CLIC5: variants seen among roughly 807,000 people sequenced by gnomAD.
The protein encoded by CLIC5 is CLIC family member 5.
A neutral mutation model predicts 24.7 loss-of-function variants in CLIC5; 20 were observed. The observed-to-expected ratio is 0.81, with a 90% CI of 0.57 to 1.18. The LOEUF (loss-of-function observed/expected upper bound fraction) is 1.18, where lower values mean the gene tolerates loss of function less well. CLIC5 is among the 50% of genes most tolerant of loss of function. The probability of loss-of-function intolerance (pLI) is 0.00; values close to 1 mark genes in which losing one functional copy is unlikely to be tolerated. For missense variants in CLIC5, 341 were observed against 326.1 expected, an observed-to-expected ratio of 1.05 and a Z score of -0.35; for synonymous variants, 159 against 135.6, an observed-to-expected ratio of 1.17 and a Z score of -1.20.
chr6:46,037,398 G>C (rs888147364), intron 1 of CLIC5, among the ~76,000 whole-genome samples: 5 of 152,114 alleles, frequency 3.3e-5, no homozygotes, highest in African/African-American at 9.7e-5. Flanking sequence ...ATTAATGGAA[G>C]AACAAAGGAA....
At chr6:45,987,939 C>T (rs141011616) in intron 1 of CLIC5, among the ~76,000 whole-genome samples, 9 of 152,306 alleles carry the variant, frequency 5.9e-5, no homozygotes, top group African/African-American at 2.2e-4. Flanking sequence ...CCCTGGCCCC[C>T]CAAAGTTCAT....
chr6:46,045,125 C>T (rs1256950720), intron 1 of CLIC5, among the ~76,000 whole-genome samples: 1 of 152,188 alleles, frequency 6.6e-6, no homozygotes, highest in Admixed American at 6.5e-5. Context: ...CCCTAAGACT[C>T]TGTGTCAAGT....
intron 1 of CLIC5, among the ~76,000 whole-genome samples, chr6:46,032,440 T>C (rs938450020): frequency 1.1e-4 from 17 of 152,228 alleles, no homozygotes; most frequent in African/African-American, 3.6e-4. Context: ...GGAGAACTTT[T>C]CAGCTTTTAC....
intron 2 of CLIC5, 64 bp downstream of exon 2, chr6:45,955,071 C>T: frequency 8.0e-7 from 1 of 1,257,246 alleles, no homozygotes. Flanking sequence ...CTTTTGCCCT[C>T]CTTCATGGAA....
chr6:46,106,552 T>C, the CLIC5 span, among the ~76,000 whole-genome samples: 3 of 152,194 alleles, frequency 2.0e-5, no homozygotes, highest in Admixed American at 2.0e-4. Context: ...AGTGGTCCAG[T>C]TGAAGAATGA....
intron 1 of CLIC5, among the ~76,000 whole-genome samples, chr6:46,007,445 C>T (rs1420542966): frequency 6.6e-6 from 1 of 152,172 alleles, no homozygotes. Flanking sequence ...CAGGCTTCTT[C>T]CAAGGCATGC....
At chr6:45,965,090 C>G (rs150041203) in intron 1 of CLIC5, among the ~76,000 whole-genome samples, 1 of 152,108 alleles carries the variant, frequency 6.6e-6, no homozygotes, top group Non-Finnish European at 1.5e-5. Context: ...CAGTACCTAG[C>G]GTTCAGGGTT....
At chr6:45,921,213 C>G (rs907255196) in intron 4 of CLIC5, among the ~76,000 whole-genome samples, 1 of 152,140 alleles carries the variant, frequency 6.6e-6, no homozygotes, top group African/African-American at 2.4e-5. Context: ...AATGTCTACA[C>G]CAGATTCTTA....
At chr6:46,088,192 T>TGTGTGTGTGTGTGTGA in the CLIC5 span, among the ~76,000 whole-genome samples, 2 of 151,842 alleles carry the variant, frequency 1.3e-5, no homozygotes, top group Non-Finnish European at 2.9e-5. Flanking sequence ...TGTGTGTGTG[T>TGTGTGTGTGTGTGTGA]GTGACACTGT....
intron 1 of CLIC5, among the ~76,000 whole-genome samples, chr6:46,013,473 G>A (rs577419513): frequency 6.6e-6 from 1 of 152,300 alleles, no homozygotes; most frequent in Admixed American, 6.5e-5. Context: ...ATGGGGTTGA[G>A]GGAGGAGTCA....
chr6:45,954,618 G>A (rs1285555273), intron 2 of CLIC5, among the ~76,000 whole-genome samples: 2 of 152,002 alleles, frequency 1.3e-5, no homozygotes, highest in Non-Finnish European at 2.9e-5. Flanking sequence ...CCTGGTGTTT[G>A]TAAGTCATTA....
the CLIC5 span, among the ~76,000 whole-genome samples, chr6:46,091,292 TCA>T: frequency 6.6e-6 from 1 of 152,208 alleles, no homozygotes; most frequent in Non-Finnish European, 1.5e-5. Flanking sequence ...CATGTTACTC[TCA>T]GTTTCTATGA....
At chr6:45,897,675 T>A (rs1266319874), downstream of CLIC5, among the ~76,000 whole-genome samples, 9 of 152,106 alleles carry the variant, frequency 5.9e-5, no homozygotes, top group Admixed American at 4.6e-4. Context: ...TCATCAGACG[T>A]CACATTGGCT....
intron 1 of CLIC5, among the ~76,000 whole-genome samples, chr6:46,010,421 G>A (rs1215983515): frequency 2.6e-5 from 4 of 152,106 alleles, no homozygotes; most frequent in African/African-American, 9.7e-5. Flanking sequence ...AGCCCATCCT[G>A]GCCAACACAC....
chr6:46,043,155 A>G (rs1409357673), intron 1 of CLIC5, among the ~76,000 whole-genome samples: 1 of 152,216 alleles, frequency 6.6e-6, no homozygotes, highest in Non-Finnish European at 1.5e-5. Flanking sequence ...TAGATGCAAC[A>G]GTGATGATGA....
intron 1 of CLIC5, among the ~76,000 whole-genome samples, chr6:46,062,723 C>T (rs573653237): frequency 2.6e-5 from 4 of 152,270 alleles, no homozygotes; most frequent in Admixed American, 1.3e-4. Flanking sequence ...TGCTGATCAG[C>T]GCATTTTCCT....
intron 1 of CLIC5, among the ~76,000 whole-genome samples, chr6:45,984,375 G>A (rs995874398): frequency 3.3e-5 from 5 of 152,130 alleles, no homozygotes; most frequent in Non-Finnish European, 7.4e-5. Flanking sequence ...TGGGGTGGAA[G>A]GGACATTTGA....
At chr6:46,113,329 G>A in the CLIC5 span, among the ~76,000 whole-genome samples, 1 of 152,154 alleles carries the variant, frequency 6.6e-6, no homozygotes, top group African/African-American at 2.4e-5. Flanking sequence ...GAAGTGGGAA[G>A]GAAAGAAACA....
At chr6:46,095,419 C>T in the CLIC5 span, among the ~76,000 whole-genome samples, 1 of 152,190 alleles carries the variant, frequency 6.6e-6, no homozygotes, top group Non-Finnish European at 1.5e-5. Context: ...AATTTCAGGT[C>T]ATTTCTTTGC....
Sources: gnomAD v4.1 joint callset for allele counts (sites outside exome capture counted in the v4.1 genomes callset) on GRCh38, gnomAD v4.1.1 for gene constraint, MANE v1.5 for transcripts, NCBI Gene and HGNC (gene_info 2026-07-23, HGNC 2026-07-21) for gene names.